MYO1D: variants seen among roughly 807,000 people sequenced by gnomAD.
The protein encoded by MYO1D is myosin ID.
In MYO1D, 83 loss-of-function variants were observed where a neutral mutation model predicts 122.0. That is an observed-to-expected ratio of 0.68 (90% CI 0.57 to 0.82). The LOEUF (loss-of-function observed/expected upper bound fraction) is 0.82. Ranked by LOEUF, MYO1D falls within the 40% of genes least tolerant of loss-of-function variation. The pLI is 0.00. For missense variants in MYO1D, 1,157 were observed against 1,269.5 expected (o/e 0.91, Z 1.35); for synonymous variants, 464 against 446.9 (o/e 1.04, Z -0.48).
intron 1 of MYO1D, among the ~76,000 whole-genome samples, chr17:32,859,237 G>C (rs2091050572): frequency 6.6e-6 from 1 of 152,190 alleles, no homozygotes; most frequent in Admixed American, 6.5e-5. Flanking sequence ...AGGGTTGACT[G>C]TACTTTTCCC....
chr17:32,654,639 A>G lies in MYO1D; in HGVS notation c.2346-18T>C, dbSNP rs752120278. On this transcript the variant is annotated intron_variant, in intron 17 of 21. Transcript: ENST00000318217. ...CTCTCCATCTACAAGTAAATAGACA[A>G]CATGTATTAGACTTTAGAAATGCAA... 1.3e-6 allele frequency: 2 copies of G among 1,585,216 alleles called. No homozygotes were observed.
chr17:32,720,337 T>G (rs1037944493), intron 15 of MYO1D, among the ~76,000 whole-genome samples: 4 of 152,160 alleles, frequency 2.6e-5, no homozygotes, highest in African/African-American at 9.7e-5. Flanking sequence ...TTCCAAGTGT[T>G]TTGTATATAT....
At chr17:32,655,352 C>T (rs777800237) in intron 17 of MYO1D, among the ~76,000 whole-genome samples, 1 of 152,058 alleles carries the variant, frequency 6.6e-6, no homozygotes, top group Non-Finnish European at 1.5e-5. Flanking sequence ...AGAGAAGTGA[C>T]AGATAGCAAA....
chr17:32,640,371 A>T (rs1011856843), intron 19 of MYO1D, among the ~76,000 whole-genome samples: 2 of 151,458 alleles, frequency 1.3e-5, no homozygotes, highest in South Asian at 2.1e-4. Context: ...CATGTGCACA[A>T]TGTGCAGGTT....
chr17:32,799,700 T>C (rs2090445240), intron 1 of MYO1D, among the ~76,000 whole-genome samples: 1 of 148,986 alleles, frequency 6.7e-6, no homozygotes, highest in Non-Finnish European at 1.5e-5. Context: ...ACAAATGGGA[T>C]TGCATCAAAC....
At chr17:32,876,557 G>C (rs1432194576) in intron 1 of MYO1D, among the ~76,000 whole-genome samples, 1 of 152,046 alleles carries the variant, frequency 6.6e-6, no homozygotes, top group African/African-American at 2.4e-5. Flanking sequence ...CCTTGAGCTC[G>C]ACACGCCCCC....
intron 21 of MYO1D, among the ~76,000 whole-genome samples, chr17:32,563,612 G>A (rs1173837568): frequency 6.6e-6 from 1 of 152,190 alleles, no homozygotes. Context: ...GTCAGTGGGA[G>A]AACTATAATT....
At chr17:32,858,219 C>T (rs2091042884) in intron 1 of MYO1D, among the ~76,000 whole-genome samples, 1 of 152,128 alleles carries the variant, frequency 6.6e-6, no homozygotes, top group Non-Finnish European at 1.5e-5. Flanking sequence ...AACTCATTAC[C>T]TTCTTTGGGA....
At chr17:32,695,288 C>A (rs1362844367) in intron 16 of MYO1D, among the ~76,000 whole-genome samples, 1 of 152,214 alleles carries the variant, frequency 6.6e-6, no homozygotes, top group Non-Finnish European at 1.5e-5. Context: ...TATGAGAATC[C>A]AATGAGCCAC....
At chr17:32,778,709 CTT>C (rs778503669) in intron 2 of MYO1D, 136 bp from the exon 3 acceptor site, 2 of 776,034 alleles carry the variant, frequency 2.6e-6, no homozygotes, top group Non-Finnish European at 4.1e-6. Flanking sequence ...CATTTTTTTG[CTT>C]TTTTGAGTTA....
At chr17:32,732,652 C>T (rs1440190906) in intron 14 of MYO1D, among the ~76,000 whole-genome samples, 1 of 152,196 alleles carries the variant, frequency 6.6e-6, no homozygotes, top group African/African-American at 2.4e-5. Flanking sequence ...CACCTCTTTG[C>T]CTTGCTCACC....
chr17:32,729,501 C>A (rs1021113381), intron 14 of MYO1D, among the ~76,000 whole-genome samples: 5 of 152,046 alleles, frequency 3.3e-5, no homozygotes, highest in African/African-American at 4.8e-5. Context: ...TAATACTTAT[C>A]AATCTTCCTG....
intron 1 of MYO1D, among the ~76,000 whole-genome samples, chr17:32,832,532 T>A (rs139243757): frequency 0.015 from 2,210 of 152,184 alleles, 45 homozygotes; most frequent in African/African-American, 0.048. Context: ...TCTCCTGACC[T>A]TGCGATCTGC....
chr17:32,677,558 T>G, intron 16 of MYO1D, among the ~76,000 whole-genome samples: 1 of 147,040 alleles, frequency 6.8e-6, no homozygotes, highest in African/African-American at 2.5e-5. Flanking sequence ...TGGGAAGTCA[T>G]CAGGGGATAT....
At chr17:32,624,786 C>CTT (rs11332360) in intron 20 of MYO1D, among the ~76,000 whole-genome samples, 22 of 140,252 alleles carry the variant, frequency 1.6e-4, no homozygotes, top group Admixed American at 2.8e-4. Context: ...TTTTTTGTAT[C>CTT]TTTTTTTTTT....
chr17:32,608,650 A>T (rs2087660565), intron 20 of MYO1D, among the ~76,000 whole-genome samples: 1 of 152,262 alleles, frequency 6.6e-6, no homozygotes, highest in Admixed American at 6.5e-5. Context: ...ACTCCTAGGC[A>T]CATATCCTAG....
intron 16 of MYO1D, among the ~76,000 whole-genome samples, chr17:32,678,623 G>A (rs1439983838): frequency 1.3e-5 from 2 of 151,444 alleles, no homozygotes; most frequent in East Asian, 3.9e-4. Flanking sequence ...ATTCCATGGT[G>A]TATATATGCC....
chr17:32,577,345 T>C (rs1451587350), intron 21 of MYO1D, among the ~76,000 whole-genome samples: 1 of 152,076 alleles, frequency 6.6e-6, no homozygotes, highest in African/African-American at 2.4e-5. Flanking sequence ...TTGCCAGGGC[T>C]GGTCGTGAAC....
At chr17:32,719,436 G>A (rs574560788) in intron 15 of MYO1D, among the ~76,000 whole-genome samples, 11 of 147,964 alleles carry the variant, frequency 7.4e-5, no homozygotes, top group African/African-American at 2.2e-4. Flanking sequence ...TGCAAGCTCC[G>A]CCTCCCAGGT....
Sources: gnomAD v4.1 joint callset for allele counts (sites outside exome capture counted in the v4.1 genomes callset) on GRCh38, gnomAD v4.1.1 for gene constraint, MANE v1.5 for transcripts, NCBI Gene and HGNC (gene_info 2026-07-23, HGNC 2026-07-21) for gene names.